PPP4R3A: variants seen among roughly 807,000 people sequenced by gnomAD.
PPP4R3A encodes protein phosphatase 4 regulatory subunit 3A, also known as serine/threonine-protein phosphatase 4 regulatory subunit 3A.
Under a neutral mutation model 91.7 loss-of-function variants are expected in PPP4R3A, and 15 were observed. That is an observed-to-expected ratio of 0.16 (90% CI 0.11 to 0.25). PPP4R3A has a LOEUF of 0.25. PPP4R3A is among the 10% of genes least tolerant of loss of function. The pLI is 1.00. For synonymous variants in PPP4R3A, 377 were observed against 348.7 expected (o/e 1.08, Z -0.91); for missense variants, 623 against 998.4 (o/e 0.62, Z 5.07).
intron 1 of PPP4R3A, among the ~76,000 whole-genome samples, chr14:91,497,370 ACACACACACG>A (rs1374240152): frequency 9.1e-6 from 1 of 109,334 alleles, no homozygotes; most frequent in Non-Finnish European, 1.9e-5. Flanking sequence ...ACACACACAC[ACACACACACG>A]ATACCTTTTC....
intron 1 of PPP4R3A, among the ~76,000 whole-genome samples, chr14:91,505,335 C>A (rs780443489): frequency 4.7e-4 from 72 of 151,892 alleles, no homozygotes; most frequent in Non-Finnish European, 1.2e-4. Flanking sequence ...CGCCTGTAAT[C>A]CCAGGCTTGA....
rs1887900556 is a variant in PPP4R3A at position 91,458,374 on chromosome 14, T to C, written c.*385A>G. ...GCTGGCATTCTTGACTAGTGAAGAA[T>C]TATGGCAGAAAGGCCCATTCTTCTG... On this transcript the variant is annotated 3_prime_UTR_variant, in exon 15 of 15. Transcript: ENST00000554943. The C allele has an allele frequency of 3.8e-6, 1 of 264,968 alleles. No homozygotes were observed. The highest frequency in any genetic ancestry group is 7.4e-6 in the Non-Finnish European group (1 of 134,702). 16.4% of individuals were successfully genotyped at this position (264,968 alleles called of 1,614,324 possible). A position where few individuals can be genotyped will look rare whatever the true frequency, so the allele number is the denominator to read the frequency against.
intron 1 of PPP4R3A, among the ~76,000 whole-genome samples, chr14:91,506,376 T>C (rs1256315351): frequency 1.3e-5 from 2 of 152,248 alleles, no homozygotes; most frequent in South Asian, 2.1e-4. Flanking sequence ...TCAGACACTG[T>C]TGTAAGAATT....
At position 91,505,948 on chromosome 14, in the gene PPP4R3A, A is replaced by ATT. The variant is rs5810541; in HGVS notation, c.142+3556_142+3557dup. ...AGCTTGTAGATAAACTATAATTGAA[A>ATT]TTTTTTTTTTTTTTGAGACGGAGTC... On this transcript the variant is annotated intron_variant, in intron 1 of 14. Transcript: ENST00000554943. 4.3e-3 allele frequency among the ~76,000 whole-genome samples: 636 copies of ATT among 148,500 alleles called. 4 individuals carry two copies. Among genetic ancestry groups the ATT allele is most frequent in the Non-Finnish European group, 6.8e-3 (455 of 66,908 alleles).
chr14:91,486,768 C>T (rs1394914973), intron 2 of PPP4R3A, among the ~76,000 whole-genome samples: 1 of 151,246 alleles, frequency 6.6e-6, no homozygotes, highest in Non-Finnish European at 1.5e-5. Flanking sequence ...AAAAATTAGC[C>T]GGGCATGTGC....
Position 91,481,811 on chromosome 14 carries a change from T to C in PPP4R3A, c.680A>G (p.Asp227Gly), listed in dbSNP as rs759650627. The change falls in exon 4 of 15, where the codon GAT becomes GGT. Residue 227 changes from aspartate to glycine, a missense_variant. Around this residue, in one of 5 missense-constraint regions of PPP4R3A, gnomAD observed 264 missense variants for 377.3 expected, o/e 0.70. Transcript: ENST00000554943. Reference sequence around the variant, plus strand: ...TTTTCGTGGTTGTGATAAAGCAGGATCATATTCTAAACATCCAATGACGTC... The same window carrying C: ...TTTTCGTGGTTGTGATAAAGCAGGACCATATTCTAAACATCCAATGACGTC... The part of the protein sequence containing the change: ...IMDVIGCLEY[D>G]PALSQPRKHR... 5 of 1,614,144 alleles carry C rather than the reference T, an allele frequency of 3.1e-6. No individual in the cohort carries two copies. The highest frequency in any genetic ancestry group is 4.2e-6 in the Non-Finnish European group (5 of 1,180,024).
In PPP4R3A at chr14:91,476,536, A is replaced by C. The variant is rs1287978872; in HGVS notation, c.994-12T>G. On this transcript the variant is annotated splice_polypyrimidine_tract_variant and intron_variant, in intron 5 of 14. Coordinates refer to ENST00000554943, the MANE Select transcript of PPP4R3A (RefSeq NM_001366432.2). ...TTTAAAAAGTTAACCTGAAATTAGAAAAAAGGATAAGTGATATAAAAAGTT... is the reference window on the plus strand; with the variant it reads ...TTTAAAAAGTTAACCTGAAATTAGACAAAAGGATAAGTGATATAAAAAGTT... 6.6e-7 allele frequency: 1 copy of C among 1,505,256 alleles called. No individual in the cohort carries two copies. Among genetic ancestry groups the C allele is most frequent in the South Asian group, 1.2e-5 (1 of 83,716 alleles). The allele number at this position is 1,505,256 out of a possible 1,614,324, so 93.2% of individuals were successfully genotyped here. A position where few individuals can be genotyped will look rare whatever the true frequency, so the allele number is the denominator to read the frequency against.
intron 11 of PPP4R3A, among the ~76,000 whole-genome samples, chr14:91,464,850 G>C (rs750538837): frequency 5.9e-5 from 9 of 152,192 alleles, no homozygotes; most frequent in Admixed American, 2.0e-4. Flanking sequence ...GGGTGGGAGT[G>C]GGGGAGCACA....
At position 91,460,714 on chromosome 14, in the gene PPP4R3A, A is replaced by G. The variant is rs192646292; in HGVS notation, c.2391+667T>C. 6.0e-3 allele frequency among the ~76,000 whole-genome samples: 775 copies of G among 129,984 alleles called. 1 individual carries two copies. The highest frequency in any genetic ancestry group is 0.012 in the Middle Eastern group (2 of 164). The allele number at this position is 129,984 out of a possible 152,430, so 85.3% of individuals were successfully genotyped here. A position where few individuals can be genotyped will look rare whatever the true frequency, so the allele number is the denominator to read the frequency against. ...CAGCTCACTGCAAGCTCCGCCTCCC[A>G]GGTTCATGCCATTCTCCTGCCTCAG... On this transcript the variant is annotated intron_variant, in intron 14 of 14. Coordinates refer to ENST00000554943, the MANE Select transcript of PPP4R3A (RefSeq NM_001366432.2).
chr14:91,494,031 C>G (rs1890392274), intron 1 of PPP4R3A, among the ~76,000 whole-genome samples: 1 of 151,296 alleles, frequency 6.6e-6, no homozygotes, highest in South Asian at 2.1e-4. Flanking sequence ...GCAGGTGGGT[C>G]ACTTGAGGTC....
intron 3 of PPP4R3A, 145 bp downstream of exon 3, chr14:91,485,487 C>T (rs1889827078): frequency 3.2e-6 from 2 of 633,856 alleles, no homozygotes; most frequent in Admixed American, 2.8e-5. Flanking sequence ...ATAAATTACA[C>T]CTTCCTTTAA....
At chr14:91,477,113 T>A in intron 4 of PPP4R3A, 127 bp from the exon 5 acceptor site, 1 of 576,290 alleles carries the variant, frequency 1.7e-6, no homozygotes, top group Non-Finnish European at 2.8e-6. Flanking sequence ...ATGCTGTCTT[T>A]TTTTTTTTTT....
intron 2 of PPP4R3A, among the ~76,000 whole-genome samples, chr14:91,488,774 A>G (rs1223382511): frequency 6.6e-6 from 1 of 152,180 alleles, no homozygotes. Flanking sequence ...GCCACGGTAT[A>G]AATTCTAATA....
At chr14:91,476,009 A>G (rs1234685877) in intron 6 of PPP4R3A, 43 bp from the exon 7 acceptor site, 1 of 1,495,820 alleles carries the variant, frequency 6.7e-7, no homozygotes, top group Non-Finnish European at 8.9e-7. Context: ...TTATAAAAAT[A>G]CGGAACCTAT....
chr14:91,465,256 A>G lies in PPP4R3A; in HGVS notation c.1824T>C (p.Ile608=). The change falls in exon 11 of 15, where the codon ATT becomes ATC. Residue 608 remains isoleucine, a synonymous_variant. Transcript: ENST00000554943. ...TTAAAAATACAGAACCTACCACTCT[A>G]ATAAATTCAAACATCTCTATTATGG... ...NSAIIEMFEF[I]RVEDIKSLTA... is the part of the protein sequence containing the mutation. The G allele has an allele frequency of 6.5e-7, 1 of 1,550,276 alleles. No individual in the cohort carries two copies. The highest frequency in any genetic ancestry group is 8.7e-7 in the Non-Finnish European group (1 of 1,155,576).
chr14:91,483,560 A>C (rs930015680), intron 3 of PPP4R3A, among the ~76,000 whole-genome samples: 3 of 152,200 alleles, frequency 2.0e-5, no homozygotes, highest in African/African-American at 7.2e-5. Context: ...TAGCAAACCA[A>C]ATGAAAAGAG....
At chr14:91,459,827 T>G (rs1754219529) in intron 14 of PPP4R3A, among the ~76,000 whole-genome samples, 1 of 107,066 alleles carries the variant, frequency 9.3e-6, no homozygotes, top group Non-Finnish European at 2.1e-5. Context: ...AGACTGAGAC[T>G]CTGTCAAAAA....
At chr14:91,497,943 T>C (rs752676398) in intron 1 of PPP4R3A, among the ~76,000 whole-genome samples, 2 of 152,080 alleles carry the variant, frequency 1.3e-5, no homozygotes, top group Non-Finnish European at 2.9e-5. Context: ...TTTTCCACCA[T>C]TAATTCTCTC....
Position 91,458,775 on chromosome 14 carries a change from G to C in PPP4R3A, c.2486C>G (p.Ala829Gly). 6.2e-7 allele frequency: 1 copy of C among 1,613,996 alleles called. No homozygotes were observed. ...TTGCCATTATTATGAATCAAATTTT[G>C]CTTTCTTTGACAATGGTAACGTATC... ...KEDTLPLSKK[A>G]KFDS Residue 829 changes from alanine to glycine, a missense_variant, in exon 15 of 15, where the codon GCA becomes GGA. Physicochemically the swap from Ala to Gly is moderately conservative, Grantham distance 60. Around this residue, in one of 5 missense-constraint regions of PPP4R3A, gnomAD observed 201 missense variants for 229.9 expected, o/e 0.87. Transcript: ENST00000554943.
Sources: gnomAD v4.1 joint callset for allele counts (sites outside exome capture counted in the v4.1 genomes callset) on GRCh38, gnomAD v4.1.1 for gene constraint, gnomAD v4.1.1 regional missense constraint, MANE v1.5 for transcripts, NCBI Gene and HGNC (gene_info 2026-07-23, HGNC 2026-07-21) for gene names.